The following PREX1 variants were observed in gnomAD, a reference collection of about 807,000 sequenced individuals.
The protein encoded by PREX1 is phosphatidylinositol-3,4,5-trisphosphate dependent Rac exchange factor 1.
PREX1 carries 41 observed loss-of-function variants against 198.3 expected under a neutral mutation model. The ratio of observed to expected loss-of-function variants is 0.21; its 90% confidence interval spans 0.16 to 0.27. The LOEUF (loss-of-function observed/expected upper bound fraction) is 0.27. PREX1 is among the 10% of genes least tolerant of loss of function. The pLI, the probability that PREX1 is intolerant of heterozygous loss-of-function variation, is 1.00. For missense variants in PREX1, 1,620 were observed against 2,200.7 expected (o/e 0.74, Z 5.28); for synonymous variants, 843 against 887.2 (o/e 0.95, Z 0.89).
At chr20:48,698,682 G>T (rs1473906081) in intron 7 of PREX1, among the ~76,000 whole-genome samples, 2 of 152,158 alleles carry the variant, frequency 1.3e-5, no homozygotes, top group Non-Finnish European at 2.9e-5. Context: ...TCACAGGAAG[G>T]GTCAAGCCCA....
chr20:48,773,871 G>A (rs1251284029), intron 1 of PREX1, among the ~76,000 whole-genome samples: 1 of 152,212 alleles, frequency 6.6e-6, no homozygotes, highest in African/African-American at 2.4e-5. Flanking sequence ...ACAACAGACT[G>A]TAGCAGGGAG....
chr20:48,645,060 A>G (rs1445872721), intron 26 of PREX1, among the ~76,000 whole-genome samples: 1 of 152,254 alleles, frequency 6.6e-6, no homozygotes, highest in East Asian at 1.9e-4. Context: ...TATGGACATG[A>G]GGCTCTGGGG....
chr20:48,880,981 T>TAAAAAAAAAAAAAAAA, the PREX1 span, among the ~76,000 whole-genome samples: 15 of 20,996 alleles, frequency 7.1e-4, 1 homozygote, highest in Admixed American at 1.4e-3. Flanking sequence ...AAACCATTGC[T>TAAAAAAAAAAAAAAAA]AAAAAAAAAA....
At chr20:48,688,863 G>A (rs1241661653) in intron 9 of PREX1, 59 bp from the exon 10 acceptor site, 1 of 1,600,208 alleles carries the variant, frequency 6.2e-7, no homozygotes, top group Non-Finnish European at 8.5e-7. Flanking sequence ...GGGGGGGTAG[G>A]GGGAGACAAG....
chr20:48,880,721 C>T, the PREX1 span, among the ~76,000 whole-genome samples: 1 of 152,136 alleles, frequency 6.6e-6, no homozygotes, highest in East Asian at 1.9e-4. Context: ...GTGCCTGATG[C>T]CACCCCAAAT....
intron 1 of PREX1, among the ~76,000 whole-genome samples, chr20:48,795,022 T>C (rs568641149): frequency 6.6e-6 from 1 of 152,278 alleles, no homozygotes; most frequent in Admixed American, 6.5e-5. Flanking sequence ...CAGGTGACAT[T>C]GTTAATGTAA....
chr20:48,645,948 T>C lies in PREX1; in HGVS notation c.3415A>G (p.Ser1139Gly). Residue 1139 changes from serine to glycine, a missense_variant, in exon 26 of 40, where the codon AGT becomes GGT. By Grantham distance (56) the Ser-to-Gly change is moderately conservative (BLOSUM62 0). This residue lies in a region of PREX1 where 514 missense variants were observed against 611.6 expected (regional missense o/e 0.84). Transcript: ENST00000371941. ...ACCTTCTTGATGCCCCCATGGTCAC[T>C]CCTGTCCATCTCGCTCTCTTCACTG... ...LVSEESEMDRSDHGGIKKVCF... is the reference protein window; with the variant it reads ...LVSEESEMDRGDHGGIKKVCF... The C allele has an allele frequency of 6.2e-7, 1 of 1,614,192 alleles. No individual in the cohort carries two copies. Among genetic ancestry groups the C allele is most frequent in the Non-Finnish European group, 8.5e-7 (1 of 1,180,018 alleles).
intron 1 of PREX1, among the ~76,000 whole-genome samples, chr20:48,760,391 G>A (rs908396085): frequency 6.6e-6 from 1 of 151,990 alleles, no homozygotes; most frequent in African/African-American, 2.4e-5. Flanking sequence ...GATGAGAAGG[G>A]GAAGGCTTTA....
chr20:48,696,420 T>C (rs2089845828), intron 7 of PREX1, among the ~76,000 whole-genome samples: 1 of 152,218 alleles, frequency 6.6e-6, no homozygotes, highest in Non-Finnish European at 1.5e-5. Flanking sequence ...CACTATTCGA[T>C]TCCATTACTC....
chr20:48,674,094 G>A (rs895944123), intron 14 of PREX1, among the ~76,000 whole-genome samples: 8 of 152,222 alleles, frequency 5.3e-5, no homozygotes, highest in African/African-American at 1.9e-4. Flanking sequence ...GGGCTGGGGA[G>A]TGTGGTACAA....
chr20:48,731,942 C>G (rs2090036432), intron 4 of PREX1, among the ~76,000 whole-genome samples: 1 of 152,084 alleles, frequency 6.6e-6, no homozygotes, highest in Non-Finnish European at 1.5e-5. Flanking sequence ...CAGGACCTAG[C>G]TGAACCTGAG....
chr20:48,832,791 G>C (rs866065537), upstream of PREX1, among the ~76,000 whole-genome samples: 17 of 152,336 alleles, frequency 1.1e-4, no homozygotes, highest in Middle Eastern at 3.4e-3. Context: ...TCTGGTTCAA[G>C]GTCTGATTTA....
At chr20:48,729,907 G>C (rs2090027141) in intron 4 of PREX1, among the ~76,000 whole-genome samples, 1 of 152,182 alleles carries the variant, frequency 6.6e-6, no homozygotes, top group Non-Finnish European at 1.5e-5. Flanking sequence ...CTGGATTAGA[G>C]GGGGGACCCT....
intron 1 of PREX1, among the ~76,000 whole-genome samples, chr20:48,793,984 A>C (rs556610609): frequency 6.6e-6 from 1 of 152,318 alleles, no homozygotes; most frequent in South Asian, 2.1e-4. Flanking sequence ...CCAGGAGAAG[A>C]ACCCCTTACT....
At chr20:48,852,367 G>A in the PREX1 span, among the ~76,000 whole-genome samples, 9 of 152,022 alleles carry the variant, frequency 5.9e-5, no homozygotes, top group South Asian at 1.7e-3. Flanking sequence ...TTTTTTTCAA[G>A]ATCCTCCCAA....
the PREX1 span, among the ~76,000 whole-genome samples, chr20:48,887,855 C>A: frequency 2.6e-5 from 4 of 151,126 alleles, no homozygotes; most frequent in African/African-American, 9.7e-5. Flanking sequence ...GAGGCTGAGG[C>A]GGGAGAATGG....
chr20:48,790,679 T>G (rs1437280024), intron 1 of PREX1, among the ~76,000 whole-genome samples: 1 of 152,074 alleles, frequency 6.6e-6, no homozygotes, highest in African/African-American at 2.4e-5. Context: ...AGAGAAAGGA[T>G]CAGGGGCCTG....
chr20:48,740,143 TC>T (rs2090074557), intron 3 of PREX1, among the ~76,000 whole-genome samples: 1 of 152,050 alleles, frequency 6.6e-6, no homozygotes, highest in Non-Finnish European at 1.5e-5. Context: ...CCGATTAGCA[TC>T]TCACCAGCCC....
intron 6 of PREX1, among the ~76,000 whole-genome samples, chr20:48,703,550 G>A (rs1390177385): frequency 6.6e-6 from 1 of 152,214 alleles, no homozygotes; most frequent in East Asian, 1.9e-4. Flanking sequence ...AGCAGTCCCT[G>A]GAGCCCACGT....
Sources: gnomAD v4.1 joint callset for allele counts (sites outside exome capture counted in the v4.1 genomes callset) on GRCh38, gnomAD v4.1.1 for gene constraint, gnomAD v4.1.1 regional missense constraint, MANE v1.5 for transcripts, NCBI Gene and HGNC (gene_info 2026-07-23, HGNC 2026-07-21) for gene names.